The following ARHGEF33 variants were observed in gnomAD, a reference collection of about 807,000 sequenced individuals.
The protein encoded by ARHGEF33 is Rho guanine nucleotide exchange factor 33.
In ARHGEF33, 72 loss-of-function variants were observed where a neutral mutation model predicts 101.9. The ratio of observed to expected loss-of-function variants is 0.71; its 90% CI spans 0.58 to 0.86. The LOEUF is 0.86. Among genes scored for constraint, ARHGEF33 ranks in the 40% least tolerant of loss-of-function variants. The pLI, the probability that ARHGEF33 is intolerant of heterozygous loss-of-function variation, is 0.00. For synonymous variants in ARHGEF33, 499 were observed against 442.5 expected (o/e 1.13, Z -1.60); for missense variants, 1,169 against 1,111.3 (o/e 1.05, Z -0.74).
intron 15 of ARHGEF33, 78 bp from the exon 16 acceptor site, chr2:38,959,763 G>A (rs756646012): frequency 1.9e-5 from 27 of 1,426,578 alleles, no homozygotes; most frequent in Admixed American, 5.6e-5. Flanking sequence ...GCGCGGCCCC[G>A]AGGGGCGCCG....
At chr2:38,897,876 C>T (rs977831652) in intron 2 of ARHGEF33, among the ~76,000 whole-genome samples, 2 of 152,164 alleles carry the variant, frequency 1.3e-5, no homozygotes, top group African/African-American at 4.8e-5. Flanking sequence ...ACAGAGGGAA[C>T]AGCCCCAGAG....
At chr2:38,894,964 A>C (rs1431391378) in intron 1 of ARHGEF33, among the ~76,000 whole-genome samples, 1 of 152,190 alleles carries the variant, frequency 6.6e-6, no homozygotes, top group Admixed American at 6.5e-5. Context: ...AAAAAAAATC[A>C]GTAAAATTAA....
At chr2:38,936,925 G>A (rs1449407468) in intron 8 of ARHGEF33, 2 of 149,506 alleles carry the variant, frequency 1.3e-5, no homozygotes, top group African/African-American at 2.5e-5. Context: ...GCAGTGAGCC[G>A]AGATCGCCCC....
At chr2:38,948,483 T>C in intron 10 of ARHGEF33, among the ~76,000 whole-genome samples, 1 of 150,372 alleles carries the variant, frequency 6.7e-6, no homozygotes, top group Non-Finnish European at 1.5e-5. Flanking sequence ...TCCAAGTACA[T>C]TGACCACAGT....
chr2:38,892,156 G>C (rs1334457724), intron 1 of ARHGEF33, among the ~76,000 whole-genome samples: 3 of 152,198 alleles, frequency 2.0e-5, no homozygotes, highest in African/African-American at 7.2e-5. Flanking sequence ...CTGAGAATGA[G>C]GGAGTAGCTG....
Position 38,919,600 on chromosome 2 carries a change from G to A in ARHGEF33, c.25+128G>A, listed in dbSNP as rs954603128. 5 of 990,100 alleles carry A rather than the reference G, an allele frequency of 5.0e-6. No homozygotes were observed. The South Asian group carries it at 5.8e-5, about 11-fold the overall frequency. 61.3% of individuals were successfully genotyped at this position (990,100 alleles called of 1,614,324 possible). A position where few individuals can be genotyped will look rare whatever the true frequency, so the allele number is the denominator to read the frequency against. Reference sequence around the variant, plus strand: ...TTTCATTTCCCTATCATCATATAATGACTATGAAGAATATAGACTGGGTGC... The same window carrying A: ...TTTCATTTCCCTATCATCATATAATAACTATGAAGAATATAGACTGGGTGC... On this transcript the variant is annotated intron_variant, in intron 3 of 17. Coordinates refer to ENST00000409978, the MANE Select transcript of ARHGEF33 (RefSeq NM_001145451.5).
intron 2 of ARHGEF33, among the ~76,000 whole-genome samples, chr2:38,911,177 T>C (rs1459078349): frequency 6.6e-6 from 1 of 152,216 alleles, no homozygotes; most frequent in East Asian, 1.9e-4. Flanking sequence ...CTTTTCATAA[T>C]GTTTATAGCA....
chr2:38,915,154 G>C (rs1250527588), intron 2 of ARHGEF33, among the ~76,000 whole-genome samples: 2 of 151,400 alleles, frequency 1.3e-5, no homozygotes, highest in South Asian at 4.2e-4. Context: ...ACCCAGCCAT[G>C]GTCCAATTTT....
intron 16 of ARHGEF33, among the ~76,000 whole-genome samples, chr2:38,962,832 G>C (rs1234113761): frequency 5.6e-5 from 6 of 106,530 alleles, no homozygotes; most frequent in African/African-American, 2.3e-4. Context: ...GGTCAACACG[G>C]TGAAACCCCG....
At chr2:38,957,807 C>T (rs1263954150) in intron 14 of ARHGEF33, 1 of 533,378 alleles carries the variant, frequency 1.9e-6, no homozygotes. Context: ...TCTCCATACC[C>T]CCAACCCCTT....
At position 38,974,925 on chromosome 2, in the gene ARHGEF33, C is replaced by T. The variant is rs1238300488; in HGVS notation, c.*1082C>T. The T allele has an allele frequency of 6.6e-6, 1 of 152,146 alleles. No individual in the cohort carries two copies. Among genetic ancestry groups the T allele is most frequent in the Admixed American group, 6.5e-5 (1 of 15,278 alleles). The allele number at this position is 152,146 out of a possible 1,614,324, so 9.4% of individuals were successfully genotyped here. ...GGGGTGATAAAATGTGCTCTGTTTC[C>T]ACATGGATATGTGCAAGATGGTCAG... is the stretch of plus-strand genomic sequence containing the variant. On this transcript the variant is annotated 3_prime_UTR_variant, in exon 18 of 18. Transcript: ENST00000409978.
chr2:38,891,934 T>C (rs748995906), intron 1 of ARHGEF33, among the ~76,000 whole-genome samples: 6 of 152,166 alleles, frequency 3.9e-5, no homozygotes, highest in Non-Finnish European at 5.9e-5. Context: ...ACGAAACAAA[T>C]CATAAATGCT....
Position 38,921,440 on chromosome 2 carries a change from T to G in ARHGEF33, c.75+17T>G, listed in dbSNP as rs1293018120. On this transcript the variant is annotated intron_variant, in intron 4 of 17. Transcript: ENST00000409978. ...ATTTACCAGGTAAAGACAAATCGATTGTTTCAAATGCTCCCATGTATAATA... is the reference window on the plus strand; with the variant it reads ...ATTTACCAGGTAAAGACAAATCGATGGTTTCAAATGCTCCCATGTATAATA... 2.0e-6 allele frequency: 3 copies of G among 1,504,150 alleles called. No individual in the cohort carries two copies. The highest frequency in any genetic ancestry group is 1.2e-5 in the South Asian group (1 of 83,154). The allele number at this position is 1,504,150 out of a possible 1,614,324, so 93.2% of individuals were successfully genotyped here.
intron 2 of ARHGEF33, among the ~76,000 whole-genome samples, chr2:38,901,911 C>T (rs1340035475): frequency 6.6e-5 from 10 of 152,124 alleles, no homozygotes; most frequent in Admixed American, 5.2e-4. Flanking sequence ...GTCAGGAGAT[C>T]GAGACCATCC....
In ARHGEF33 at chr2:38,960,349, T is replaced by A; in HGVS notation, c.2044T>A (p.Ser682Thr). Reference sequence around the variant, plus strand: ...GCAGCCGCTGCCCAAGAGCGCTACGTCGCCGGCGGGCAGCAGCAGCGCCTA... The same window carrying A: ...GCAGCCGCTGCCCAAGAGCGCTACGACGCCGGCGGGCAGCAGCAGCGCCTA... ...PLQPLPKSAT[S>T]PAGSSSAYKL... Residue 682 changes from serine to threonine, a missense_variant, in exon 16 of 18, where the codon TCG (serine) becomes ACG (threonine). Coordinates refer to ENST00000409978, the MANE Select transcript of ARHGEF33 (RefSeq NM_001145451.5). The A allele has an allele frequency of 2.6e-6, 4 of 1,533,084 alleles. No homozygotes were observed. The highest frequency in any genetic ancestry group is 3.5e-6 in the Non-Finnish European group (4 of 1,143,374). 95.0% of individuals were successfully genotyped at this position (1,533,084 alleles called of 1,614,324 possible).
chr2:38,928,832 G>T (rs1045036067), intron 4 of ARHGEF33, 75 bp from the exon 5 acceptor site: 6 of 1,371,042 alleles, frequency 4.4e-6, no homozygotes, highest in Middle Eastern at 1.8e-4. Flanking sequence ...TCAAACAAAA[G>T]AAAAATTCAA....
chr2:38,945,663 T>C (rs780718923), intron 10 of ARHGEF33, among the ~76,000 whole-genome samples: 1 of 152,270 alleles, frequency 6.6e-6, no homozygotes, highest in African/African-American at 2.4e-5. Flanking sequence ...GTGTACCCTT[T>C]GGTGTGGCTT....
At position 38,931,138 on chromosome 2, in the gene ARHGEF33, A is replaced by G; in HGVS notation, c.392A>G (p.Gln131Arg). The change falls in exon 7 of 18, where the codon CAG becomes CGG. Residue 131 changes from glutamine (Q) to arginine (R), a missense_variant. Transcript: ENST00000409978. ...ACTCAAAAAGAAGAGCACAGCTCAC[A>G]GGCCGGGCCTGCCCAAGCACAAGGA... ...KKTQKEEHSS[Q>R]AGPAQAQGSP... The G allele has an allele frequency of 6.5e-7, 1 of 1,550,340 alleles. No homozygotes were observed. The highest frequency in any genetic ancestry group is 8.7e-7 in the Non-Finnish European group (1 of 1,146,620).
At chr2:38,971,624 A>T (rs1056332401) in intron 17 of ARHGEF33, among the ~76,000 whole-genome samples, 3 of 152,202 alleles carry the variant, frequency 2.0e-5, no homozygotes, top group African/African-American at 7.2e-5. Flanking sequence ...AGCGTTATAA[A>T]GAGGTCAGTT....
Sources: allele counts gnomAD v4.1 joint callset (sites outside exome capture counted in the v4.1 genomes callset), GRCh38; gene constraint gnomAD v4.1.1; transcripts MANE v1.5; gene names NCBI Gene and HGNC (gene_info 2026-07-23, HGNC 2026-07-21).